Variants in DTL observed in about 807,000 individuals in gnomAD.
DTL encodes denticleless E3 ubiquitin protein ligase adapter, also known as denticleless protein homolog.
DTL carries 46 observed loss-of-function variants against 87.0 expected under a neutral mutation model. The observed-to-expected ratio is 0.53, with a 90% CI of 0.42 to 0.68. The LOEUF (loss-of-function observed/expected upper bound fraction) is 0.68, where lower values mean the gene tolerates loss of function less well. Ranked by LOEUF, DTL falls within the 30% of genes least tolerant of loss-of-function variation. The probability of loss-of-function intolerance (pLI) is 0.00; values close to 1 mark genes in which losing one functional copy is unlikely to be tolerated. For synonymous variants in DTL, 308 were observed against 311.2 expected (o/e 0.99, Z 0.11); for missense variants, 737 against 869.4 (o/e 0.85, Z 1.91).
intron 5 of DTL, among the ~76,000 whole-genome samples, chr1:212,059,660 A>C (rs1448477457): frequency 6.6e-6 from 1 of 151,842 alleles, no homozygotes; most frequent in Non-Finnish European, 1.5e-5. Flanking sequence ...TGGTACTGGA[A>C]GTTCTACCCA....
In DTL at chr1:212,104,715, A is replaced by G. The variant is rs1216439375; in HGVS notation, c.*1775A>G. 1 of 152,232 alleles carries G rather than the reference A, an allele frequency of 6.6e-6. No individual in the cohort carries two copies. Among genetic ancestry groups the G allele is most frequent in the Non-Finnish European group, 1.5e-5 (1 of 68,048 alleles). The allele number at this position is 152,232 out of a possible 1,614,324, so 9.4% of individuals were successfully genotyped here. On this transcript the variant is annotated 3_prime_UTR_variant, in exon 15 of 15. Transcript: ENST00000366991. ...AGAAATTATACCGAGTCTACTGGGTATAACATGTCTCACTTGGAAAGCTAG... is the reference window on the plus strand; with the variant it reads ...AGAAATTATACCGAGTCTACTGGGTGTAACATGTCTCACTTGGAAAGCTAG...
At chr1:212,061,384 A>C (rs1654298122) in intron 5 of DTL, among the ~76,000 whole-genome samples, 1 of 152,156 alleles carries the variant, frequency 6.6e-6, no homozygotes, top group Non-Finnish European at 1.5e-5. Flanking sequence ...CCCAGTTAGA[A>C]TGGCTATTAT....
intron 3 of DTL, among the ~76,000 whole-genome samples, chr1:212,046,813 G>A (rs1667820914): frequency 6.6e-6 from 1 of 152,126 alleles, no homozygotes; most frequent in African/African-American, 2.4e-5. Context: ...CCCAGTAATG[G>A]GATTGCTGGG....
chr1:212,079,700 G>A (rs906148039), intron 12 of DTL, among the ~76,000 whole-genome samples: 1 of 152,134 alleles, frequency 6.6e-6, no homozygotes, highest in Non-Finnish European at 1.5e-5. Context: ...CACATAGTAG[G>A]TGCTCTGCAA....
At chr1:212,078,063 G>T in intron 11 of DTL, 110 bp from the exon 12 acceptor site, 4 of 588,388 alleles carry the variant, frequency 6.8e-6, no homozygotes, top group South Asian at 2.5e-5. Flanking sequence ...AGGTCTAGTG[G>T]CCTTTGGTAA....
chr1:212,046,635 G>C (rs934575928), intron 3 of DTL, among the ~76,000 whole-genome samples: 5 of 152,094 alleles, frequency 3.3e-5, no homozygotes, highest in Non-Finnish European at 7.4e-5. Context: ...TCCTCTTATG[G>C]CTGCATTGTA....
intron 13 of DTL, among the ~76,000 whole-genome samples, chr1:212,094,749 T>C (rs1240552447): frequency 6.6e-6 from 1 of 152,232 alleles, no homozygotes; most frequent in Non-Finnish European, 1.5e-5. Flanking sequence ...GTTGTGTTTT[T>C]CCATTTGTTT....
chr1:212,080,881 T>C (rs1282809801), intron 13 of DTL, 131 bp downstream of exon 13: 2 of 951,758 alleles, frequency 2.1e-6, no homozygotes, highest in Non-Finnish European at 3.1e-6. Flanking sequence ...TTGCCATTCA[T>C]TCTTTTTGAT....
chr1:212,053,226 ATTTT>A (rs546887571), intron 5 of DTL, among the ~76,000 whole-genome samples: 9 of 146,898 alleles, frequency 6.1e-5, no homozygotes, highest in Admixed American at 5.4e-4. Flanking sequence ...CTATCCAGTG[ATTTT>A]TTTTTTTAAT....
chr1:212,078,055 G>T, intron 11 of DTL, 118 bp from the exon 12 acceptor site: 1 of 563,000 alleles, frequency 1.8e-6, no homozygotes, highest in Non-Finnish European at 3.2e-6. Flanking sequence ...AGCTAGGCAG[G>T]TCTAGTGGCC....
intron 5 of DTL, among the ~76,000 whole-genome samples, chr1:212,050,548 A>G (rs1667941698): frequency 6.6e-6 from 1 of 152,170 alleles, no homozygotes; most frequent in Non-Finnish European, 1.5e-5. Context: ...TTAAATGAGA[A>G]TCTCTTGCAA....
intron 13 of DTL, among the ~76,000 whole-genome samples, chr1:212,096,497 T>G (rs956116825): frequency 3.3e-5 from 5 of 152,236 alleles, no homozygotes; most frequent in African/African-American, 1.2e-4. Context: ...GACTTTTTGA[T>G]GTAGGCACTT....
Position 212,100,931 on chromosome 1 carries a change from T to G in DTL, c.1941T>G (p.Ser647=). The G allele has an allele frequency of 6.2e-7, 1 of 1,614,194 alleles. No homozygotes were observed. Among genetic ancestry groups the G allele is most frequent in the Non-Finnish European group, 8.5e-7 (1 of 1,180,022 alleles). Residue 647 remains serine (S), a synonymous_variant, in exon 14 of 15, where the codon TCT becomes TCG. Coordinates refer to ENST00000366991, the MANE Select transcript of DTL (RefSeq NM_016448.4). ...PLPLRPCGEG[S]EMVGKENSSP... ...CTTTGAGACCTTGTGGAGAAGGGTC[T>G]GAAATGGTAGGCAAAGAGAATAGTT...
chr1:212,035,912 C>T lies in DTL; in HGVS notation c.22C>T (p.Arg8Cys). The T allele has an allele frequency of 6.2e-7, 1 of 1,614,172 alleles. No homozygotes were observed. Among genetic ancestry groups the T allele is most frequent in the Non-Finnish European group, 8.5e-7 (1 of 1,180,020 alleles). Residue 8 changes from arginine (R) to cysteine (C), a missense_variant, in exon 1 of 15, where the codon CGC becomes TGC. By Grantham distance (180) the Arg-to-Cys change is radical. Transcript: ENST00000366991. MLFNSVL[R>C]QPQLGVLRNG... ...CCTGATGCTCTTCAATTCGGTGCTC[C>T]GCCAGCCCCAGCTTGGCGTCCTGAG...
At position 212,080,594 on chromosome 1, in the gene DTL, CT is replaced by C; in HGVS notation, c.1126-19del. On this transcript the variant is annotated intron_variant, in intron 12 of 14. Transcript: ENST00000366991. Reference sequence around the variant, plus strand: ...ATCTTGATTGAAATTTCTTAATTCCCTTCTTGGTACTCCCTCTTAGATTGCT... The same window carrying C: ...ATCTTGATTGAAATTTCTTAATTCCCTCTTGGTACTCCCTCTTAGATTGCT... The C allele has an allele frequency of 1.9e-6, 3 of 1,596,956 alleles. No individual in the cohort carries two copies. The highest frequency in any genetic ancestry group is 2.6e-6 in the Non-Finnish European group (3 of 1,172,894).
chr1:212,072,907 G>C (rs949855733), intron 11 of DTL, among the ~76,000 whole-genome samples: 3 of 151,900 alleles, frequency 2.0e-5, no homozygotes, highest in Non-Finnish European at 2.9e-5. Flanking sequence ...GGGACTACAG[G>C]TGCCTGCCAC....
In DTL at chr1:212,092,773, G is replaced by A. The variant is rs1655323543; in HGVS notation, c.1262-7479G>A. 2.6e-5 allele frequency among the ~76,000 whole-genome samples: 4 copies of A among 152,186 alleles called. No homozygotes were observed. In the South Asian group the frequency reaches 8.3e-4, roughly 32 times the overall value. On this transcript the variant is annotated intron_variant, in intron 13 of 14. Transcript: ENST00000366991. The stretch of plus-strand genomic sequence containing the variant: ...CATATAATAACTTTTTTTCCTCTGG[G>A]TAGATACCCAGTAGTGGGATTGCTG...
intron 1 of DTL, among the ~76,000 whole-genome samples, chr1:212,038,135 T>A (rs993975102): frequency 6.6e-6 from 1 of 152,100 alleles, no homozygotes; most frequent in Non-Finnish European, 1.5e-5. Flanking sequence ...AACATACACA[T>A]CTTTGGCATG....
chr1:212,066,127 G>T (rs771644978), intron 7 of DTL, among the ~76,000 whole-genome samples: 1 of 152,012 alleles, frequency 6.6e-6, no homozygotes, highest in South Asian at 2.1e-4. Context: ...TTAAAAAATT[G>T]CCCTTTTTCT....
Sources: allele counts gnomAD v4.1 joint callset (sites outside exome capture counted in the v4.1 genomes callset), GRCh38; gene constraint gnomAD v4.1.1; transcripts MANE v1.5; gene names NCBI Gene and HGNC (gene_info 2026-07-23, HGNC 2026-07-21).